MYBPC1: variants seen among roughly 807,000 people sequenced by gnomAD.
MYBPC1 encodes the protein myosin-binding protein C, slow-type.
Under a neutral mutation model 147.1 loss-of-function variants are expected in MYBPC1, and 52 were observed. The observed-to-expected ratio is 0.35, with a 90% CI of 0.28 to 0.45. The LOEUF is 0.45. Ranked by LOEUF, MYBPC1 falls within the 20% of genes least tolerant of loss-of-function variation. The pLI is 1.00. For synonymous variants in MYBPC1, 477 were observed against 475.9 expected (o/e 1.00, Z -0.03); for missense variants, 1,228 against 1,440.3 (o/e 0.85, Z 2.39).
rs1950857178 is a variant in MYBPC1, at chr12:101,680,371, T to C, written c.3275T>C (p.Val1092Ala). ...AAAATAACCTGGATGAAAAACAAAGTTGCTATTGTGGATGATCCAAGATAC... is the reference window on the plus strand; with the variant it reads ...AAAATAACCTGGATGAAAAACAAAGCTGCTATTGTGGATGATCCAAGATAC... ...KPKITWMKNK[V>A]AIVDDPRYRM... The change falls in exon 29 of 32, where the codon GTT (valine) becomes GCT (alanine). Residue 1092 changes from valine (V) to alanine (A), a missense_variant. Around this residue, in one of 2 missense-constraint regions of MYBPC1, gnomAD observed 1,077 missense variants for 1,314.2 expected, o/e 0.82. Transcript: ENST00000361466. 1.2e-6 allele frequency: 2 copies of C among 1,613,964 alleles called. No individual in the cohort carries two copies. The highest frequency in any genetic ancestry group is 1.7e-6 in the Non-Finnish European group (2 of 1,179,984).
At chr12:101,686,900 A>G (rs562429375), downstream of MYBPC1, among the ~76,000 whole-genome samples, 5 of 152,236 alleles carry the variant, frequency 3.3e-5, no homozygotes, top group South Asian at 1.0e-3. Context: ...TTGGCTCTAT[A>G]TATCTCTGTT....
chr12:101,657,295 G>A (rs1447819395), intron 18 of MYBPC1, among the ~76,000 whole-genome samples: 1 of 152,106 alleles, frequency 6.6e-6, no homozygotes, highest in East Asian at 1.9e-4. Flanking sequence ...TTACGTGTTA[G>A]AAAACAAGAG....
At chr12:101,634,423 A>G in intron 8 of MYBPC1, 131 bp from the exon 9 acceptor site, 1 of 744,358 alleles carries the variant, frequency 1.3e-6, no homozygotes, top group Non-Finnish European at 2.4e-6. Flanking sequence ...CAGCACAGCC[A>G]TTCAGGAGAA....
In MYBPC1 at chr12:101,616,975, G is replaced by A. The variant is rs117049399; in HGVS notation, c.62-227G>A. 8.0e-3 allele frequency among the ~76,000 whole-genome samples: 1,219 copies of A among 152,248 alleles called. 8 individuals are homozygous for A. The highest frequency in any genetic ancestry group is 0.012 in the Non-Finnish European group (808 of 68,002). On this transcript the variant is annotated intron_variant, in intron 2 of 31. Coordinates refer to ENST00000361466, the MANE Select transcript of MYBPC1 (RefSeq NM_002465.4). ...AAATCTGTATTGAGTGTTCTTATGT[G>A]TACTTTTCCAAAAATGATCAGATTA...
Position 101,680,374 on chromosome 12 carries a change from C to A in MYBPC1, c.3278C>A (p.Ala1093Asp), listed in dbSNP as rs781482729. The change falls in exon 29 of 32, where the codon GCT (alanine) becomes GAT (aspartate). Residue 1093 changes from alanine to aspartate, a missense_variant. Around this residue, in one of 2 missense-constraint regions of MYBPC1, gnomAD observed 1,077 missense variants for 1,314.2 expected, o/e 0.82. Transcript: ENST00000361466. ...ATAACCTGGATGAAAAACAAAGTTG[C>A]TATTGTGGATGATCCAAGATACAGG... ...PKITWMKNKV[A>D]IVDDPRYRMF... 6.2e-7 allele frequency: 1 copy of A among 1,614,024 alleles called. No individual in the cohort carries two copies.
chr12:101,641,285 G>C, intron 10 of MYBPC1, among the ~76,000 whole-genome samples: 1 of 152,076 alleles, frequency 6.6e-6, no homozygotes, highest in East Asian at 1.9e-4. Flanking sequence ...CAGCATTACG[G>C]TAAGCAGTCG....
intron 16 of MYBPC1, 63 bp downstream of exon 16, chr12:101,651,456 A>G: frequency 6.3e-7 from 1 of 1,590,804 alleles, no homozygotes; most frequent in South Asian, 1.1e-5. Context: ...CCATTTTCTA[A>G]ATTACATATT....
chr12:101,685,662 A>G lies in MYBPC1; in HGVS notation c.*100A>G, dbSNP rs946819111. ...TTCGTATCTGCGAGACTTACACTCA[A>G]GCAATCCTGAGGAATACTGAGGGAG... is the stretch of plus-strand genomic sequence containing the variant. On this transcript the variant is annotated 3_prime_UTR_variant, in exon 32 of 32. Coordinates refer to ENST00000361466, the MANE Select transcript of MYBPC1 (RefSeq NM_002465.4). The G allele has an allele frequency of 9.8e-6, 15 of 1,527,490 alleles. No individual in the cohort carries two copies. The East Asian group carries it at 2.2e-4, about 22-fold the overall frequency. The allele number at this position is 1,527,490 out of a possible 1,614,324, so 94.6% of individuals were successfully genotyped here. A position where few individuals can be genotyped will look rare whatever the true frequency, so the allele number is the denominator to read the frequency against.
chr12:101,617,314 G>T, intron 3 of MYBPC1, 71 bp downstream of exon 3: 1 of 1,480,498 alleles, frequency 6.8e-7, no homozygotes, highest in Non-Finnish European at 9.4e-7. Context: ...AGTAATGATT[G>T]TCATGGTGGC....
intron 1 of MYBPC1, among the ~76,000 whole-genome samples, chr12:101,606,835 T>C (rs1593621786): frequency 6.6e-6 from 1 of 152,072 alleles, no homozygotes; most frequent in Admixed American, 6.6e-5. Context: ...TGTTTTTTGT[T>C]TCTTTGTTTT....
chr12:101,642,386 C>G, intron 10 of MYBPC1, 33 bp from the exon 11 acceptor site: 1 of 1,611,606 alleles, frequency 6.2e-7, no homozygotes, highest in Non-Finnish European at 8.5e-7. Flanking sequence ...GTCAGTGCAG[C>G]TACTAAACTA....
chr12:101,686,603 G>A (rs1173124665), downstream of MYBPC1, among the ~76,000 whole-genome samples: 1 of 152,202 alleles, frequency 6.6e-6, no homozygotes, highest in Non-Finnish European at 1.5e-5. Context: ...GAATCGAACT[G>A]TAAGGTACCA....
chr12:101,606,239 A>T (rs1033122799), intron 1 of MYBPC1, among the ~76,000 whole-genome samples: 14 of 132,692 alleles, frequency 1.1e-4, no homozygotes, highest in Admixed American at 1.0e-3. Flanking sequence ...CACACACAAG[A>T]ATGCACAAAC....
intron 9 of MYBPC1, 25 bp downstream of exon 9, chr12:101,634,630 T>C (rs75003679): frequency 0.013 from 20,465 of 1,574,246 alleles, 167 homozygotes; most frequent in Non-Finnish European, 0.015. Context: ...AAAATCTAGA[T>C]AGCTTTTGTA....
chr12:101,612,741 T>C (rs188358605), intron 1 of MYBPC1, among the ~76,000 whole-genome samples: 2 of 152,308 alleles, frequency 1.3e-5, no homozygotes, highest in Admixed American at 1.3e-4. Context: ...GAAATTGGCA[T>C]CTCGCTCTCA....
At chr12:101,608,004 G>A (rs1217293885) in intron 1 of MYBPC1, among the ~76,000 whole-genome samples, 2 of 152,184 alleles carry the variant, frequency 1.3e-5, no homozygotes, top group Non-Finnish European at 2.9e-5. Context: ...GGCCACATAT[G>A]GGGCTGTCTA....
intron 1 of MYBPC1, among the ~76,000 whole-genome samples, chr12:101,595,925 G>A (rs964262511): frequency 1.8e-4 from 27 of 151,954 alleles, no homozygotes; most frequent in Non-Finnish European, 3.7e-4. Context: ...ATAATAATAA[G>A]CACAAATTAA....
rs1352122208 is a variant in MYBPC1 at position 101,647,059 on chromosome 12, G to A, written c.1090+172G>A. 3 of 781,030 alleles carry A rather than the reference G, an allele frequency of 3.8e-6. No individual in the cohort carries two copies. The African/African-American group carries it at 5.2e-5, about 14-fold the overall frequency. The allele number at this position is 781,030 out of a possible 1,614,324, so 48.4% of individuals were successfully genotyped here. A position where few individuals can be genotyped will look rare whatever the true frequency, so the allele number is the denominator to read the frequency against. On this transcript the variant is annotated intron_variant, in intron 13 of 31. Coordinates refer to ENST00000361466, the MANE Select transcript of MYBPC1 (RefSeq NM_002465.4). ...ACAGCAGAGGGGAGAAAGAGAACCT[G>A]TTGAGTACAAATGCCTCATGTTTTG...
chr12:101,632,098 G>A lies in MYBPC1; in HGVS notation c.516G>A (p.Lys172=), dbSNP rs749294178. Residue 172 remains lysine (K), a synonymous_variant, in exon 8 of 32, where the codon AAG becomes AAA. Transcript: ENST00000361466. The part of the protein sequence containing the change: ...AGNYRCEVTY[K]DKFDSCSFDL... ...ATTACAGATGCGAGGTCACCTATAA[G>A]GATAAGTTTGACAGCTGTTCATTTG... The A allele has an allele frequency of 1.9e-6, 3 of 1,613,990 alleles. No individual in the cohort carries two copies. The highest frequency in any genetic ancestry group is 4.5e-5 in the East Asian group (2 of 44,892).
Sources: gnomAD v4.1 joint callset for allele counts (sites outside exome capture counted in the v4.1 genomes callset) on GRCh38, gnomAD v4.1.1 for gene constraint, gnomAD v4.1.1 regional missense constraint, MANE v1.5 for transcripts, NCBI Gene and HGNC (gene_info 2026-07-23, HGNC 2026-07-21) for gene names.